The following PIK3CB variants were observed in gnomAD, a reference collection of about 807,000 sequenced individuals.
PIK3CB encodes phosphatidylinositol 4,5-bisphosphate 3-kinase catalytic subunit beta isoform.
A neutral mutation model predicts 136.8 loss-of-function variants in PIK3CB; 39 were observed. The observed-to-expected ratio is 0.29, with a 90% CI of 0.22 to 0.37. PIK3CB has a LOEUF of 0.37. Among genes scored for constraint, PIK3CB ranks in the 10% least tolerant of loss-of-function variants. PIK3CB has a pLI of 1.00. For missense variants in PIK3CB, 868 were observed against 1,275.4 expected, an observed-to-expected ratio of 0.68 and a Z score of 4.87; for synonymous variants, 428 against 436.6, an observed-to-expected ratio of 0.98 and a Z score of 0.25.
intron 1 of PIK3CB, among the ~76,000 whole-genome samples, 196 bp downstream of exon 1, chr3:138,834,499 C>T (rs1040293803): frequency 1.3e-5 from 2 of 152,198 alleles, no homozygotes; most frequent in African/African-American, 2.4e-5. Context: ...CGCAACCAAG[C>T]CAGACGCCCC....
chr3:138,755,569 A>G (rs2045550211), intron 4 of PIK3CB, among the ~76,000 whole-genome samples, 185 bp downstream of exon 4: 1 of 152,172 alleles, frequency 6.6e-6, no homozygotes, highest in African/African-American at 2.4e-5. Flanking sequence ...TCATATTGCT[A>G]AAGGGGTTTC....
chr3:138,670,186 A>G (rs80045245), intron 19 of PIK3CB, among the ~76,000 whole-genome samples: 4,991 of 152,314 alleles, frequency 0.033, 83 homozygotes, highest in East Asian at 0.057. Flanking sequence ...TTACATTTAG[A>G]TAAATAAAAT....
At chr3:138,685,002 C>T (rs2043854417) in intron 16 of PIK3CB, 199 bp from the exon 17 acceptor site, 1 of 477,512 alleles carries the variant, frequency 2.1e-6, no homozygotes, top group East Asian at 3.5e-5. Context: ...GTTGTTATAG[C>T]ATCATTTTCA....
intron 2 of PIK3CB, among the ~76,000 whole-genome samples, chr3:138,773,932 C>T (rs1292402901): frequency 6.6e-6 from 1 of 152,070 alleles, no homozygotes; most frequent in Non-Finnish European, 1.5e-5. Context: ...TGACAATAAC[C>T]ACGTTTTAAG....
intron 2 of PIK3CB, among the ~76,000 whole-genome samples, chr3:138,793,191 T>C (rs949564752): frequency 2.0e-5 from 3 of 152,204 alleles, no homozygotes; most frequent in Admixed American, 6.5e-5. Flanking sequence ...CAAATTGTAA[T>C]GTGATATGAA....
At chr3:138,698,068 G>T (rs917905503) in intron 13 of PIK3CB, among the ~76,000 whole-genome samples, 1 of 152,076 alleles carries the variant, frequency 6.6e-6, no homozygotes, top group Non-Finnish European at 1.5e-5. Flanking sequence ...AAACACAAAA[G>T]AAATCCTTTC....
intron 2 of PIK3CB, among the ~76,000 whole-genome samples, chr3:138,783,939 A>G (rs1350067722): frequency 3.3e-5 from 5 of 152,230 alleles, no homozygotes; most frequent in Non-Finnish European, 7.3e-5. Flanking sequence ...CATATGGGGG[A>G]AAATGTTCAA....
At chr3:138,707,580 G>A (rs1424304241) in intron 10 of PIK3CB, 1 of 1,146,260 alleles carries the variant, frequency 8.7e-7, no homozygotes, top group Non-Finnish European at 1.1e-6. Flanking sequence ...AATTGGAACT[G>A]CTCTCTCTCC....
intron 1 of PIK3CB, among the ~76,000 whole-genome samples, chr3:138,798,929 T>C (rs531179988): frequency 6.6e-6 from 1 of 151,992 alleles, no homozygotes; most frequent in Non-Finnish European, 1.5e-5. Flanking sequence ...ATGTCTCTTC[T>C]GAACAAAAGC....
chr3:138,710,305 AC>A, intron 10 of PIK3CB, among the ~76,000 whole-genome samples: 1 of 151,892 alleles, frequency 6.6e-6, no homozygotes, highest in South Asian at 2.1e-4. Flanking sequence ...ATAGAAGGAC[AC>A]ACACACACAC....
intron 8 of PIK3CB, among the ~76,000 whole-genome samples, chr3:138,715,126 G>C (rs909959112): frequency 7.2e-5 from 11 of 152,110 alleles, no homozygotes; most frequent in African/African-American, 2.7e-4. Context: ...CTATGTGTAG[G>C]AAAGAATGAA....
intron 1 of PIK3CB, among the ~76,000 whole-genome samples, chr3:138,821,162 G>A (rs939918049): frequency 6.6e-6 from 1 of 152,012 alleles, no homozygotes; most frequent in Non-Finnish European, 1.5e-5. Flanking sequence ...GTGCGTGCCT[G>A]TAATCCCAGC....
In PIK3CB at chr3:138,653,982, C is replaced by CA. The variant is rs2043152775; in HGVS notation, c.*1406dup. On this transcript the variant is annotated 3_prime_UTR_variant, in exon 24 of 24. Transcript: ENST00000674063. ...TTCTTGGAGTTCCAGTGCCAAGTTC[C>CA]AAAGGCCCAGTCTACCCATAAAGAA... 5.1e-6 allele frequency: 1 copy of CA among 197,464 alleles called. No individual in the cohort carries two copies. 12.2% of individuals were successfully genotyped at this position (197,464 alleles called of 1,614,324 possible).
At chr3:138,816,704 T>C (rs1933349628) in intron 1 of PIK3CB, among the ~76,000 whole-genome samples, 1 of 152,132 alleles carries the variant, frequency 6.6e-6, no homozygotes, top group South Asian at 2.1e-4. Flanking sequence ...CTAGTAACAA[T>C]GAGCCTACCC....
At chr3:138,679,748 A>T (rs1251896436) in intron 19 of PIK3CB, among the ~76,000 whole-genome samples, 1 of 141,434 alleles carries the variant, frequency 7.1e-6, no homozygotes, top group East Asian at 2.2e-4. Flanking sequence ...ATGCCTGGCT[A>T]ATTATTATTA....
At chr3:138,740,006 T>A (rs528953712) in intron 5 of PIK3CB, among the ~76,000 whole-genome samples, 1 of 151,670 alleles carries the variant, frequency 6.6e-6, no homozygotes, top group East Asian at 2.0e-4. Context: ...CAGGAAGCAA[T>A]CCTCATAAGA....
At chr3:138,743,144 A>C (rs561089033) in intron 4 of PIK3CB, among the ~76,000 whole-genome samples, 1 of 152,232 alleles carries the variant, frequency 6.6e-6, no homozygotes, top group South Asian at 2.1e-4. Context: ...TCACATTTAA[A>C]ATATGTGAGA....
chr3:138,761,059 A>G (rs2045656256), intron 2 of PIK3CB, among the ~76,000 whole-genome samples: 1 of 152,234 alleles, frequency 6.6e-6, no homozygotes, highest in South Asian at 2.1e-4. Context: ...ATAAATAATA[A>G]TAAGGTGAAA....
chr3:138,719,998 G>A (rs561077953), intron 8 of PIK3CB, among the ~76,000 whole-genome samples: 56 of 152,172 alleles, frequency 3.7e-4, no homozygotes, highest in African/African-American at 1.3e-3. Context: ...AAAAAGCTTG[G>A]GAATCAAGCA....
Sources: gnomAD v4.1 joint callset for allele counts (sites outside exome capture counted in the v4.1 genomes callset) on GRCh38, gnomAD v4.1.1 for gene constraint, MANE v1.5 for transcripts, NCBI Gene and HGNC (gene_info 2026-07-23, HGNC 2026-07-21) for gene names.